Variants in RCOR1 observed in about 807,000 individuals in gnomAD.
RCOR1 encodes the protein REST corepressor.
RCOR1 carries 12 observed loss-of-function variants against 64.0 expected under a neutral mutation model. The ratio of observed to expected loss-of-function variants is 0.19; its 90% confidence interval spans 0.12 to 0.30. RCOR1 has a LOEUF of 0.30. Ranked by LOEUF, RCOR1 falls within the 10% of genes least tolerant of loss-of-function variation. The pLI is 1.00. For synonymous variants in RCOR1, 279 were observed against 227.2 expected (o/e 1.23, Z -2.05); for missense variants, 502 against 621.2 (o/e 0.81, Z 2.04).
chr14:102,601,241 G>C (rs1893389753), intron 2 of RCOR1, among the ~76,000 whole-genome samples: 1 of 150,678 alleles, frequency 6.6e-6, no homozygotes, highest in African/African-American at 2.4e-5. Context: ...TCGAACTCTT[G>C]ACCTCAGGTG....
At chr14:102,724,665 TGTA>T (rs1405723396) in intron 11 of RCOR1, among the ~76,000 whole-genome samples, 1 of 152,164 alleles carries the variant, frequency 6.6e-6, no homozygotes, top group Admixed American at 6.5e-5. Context: ...TTCTGCTTCT[TGTA>T]GTGCCACCCC....
intron 3 of RCOR1, among the ~76,000 whole-genome samples, chr14:102,700,008 A>T (rs1464702544): frequency 2.0e-5 from 3 of 152,182 alleles, no homozygotes; most frequent in African/African-American, 7.2e-5. Context: ...TTGGAGTAGT[A>T]CATATTTGAA....
In RCOR1 at chr14:102,607,713, A is replaced by G. The variant is rs1004045463; in HGVS notation, c.361+14388A>G. On this transcript the variant is annotated intron_variant, in intron 2 of 11. Transcript: ENST00000262241. ...CCTGGCCAACATGGTAAAACCCCAT[A>G]TCTACTAAAAGTATAAAAATTAGCC... Among the ~76,000 whole-genome samples the G allele has an allele frequency of 5.3e-5, 8 of 152,268 alleles. No individual in the cohort carries two copies. The East Asian group carries it at 7.7e-4, about 15-fold the overall frequency.
intron 2 of RCOR1, among the ~76,000 whole-genome samples, chr14:102,602,383 T>G (rs1893420364): frequency 7.9e-6 from 1 of 127,330 alleles, no homozygotes; most frequent in African/African-American, 2.8e-5. Flanking sequence ...TTTTTTCTTT[T>G]CTTTTCTTTT....
At position 102,593,074 on chromosome 14, in the gene RCOR1, C is replaced by T; in HGVS notation, c.188C>T (p.Ala63Val). 1 of 1,427,816 alleles carries T rather than the reference C, an allele frequency of 7.0e-7. No homozygotes were observed. Among genetic ancestry groups the T allele is most frequent in the Non-Finnish European group, 9.2e-7 (1 of 1,085,736 alleles). The allele number at this position is 1,427,816 out of a possible 1,614,324, so 88.4% of individuals were successfully genotyped here. ...SASAAAASAAAAPNNGQNKSL... is the reference protein window; with the variant it reads ...SASAAAASAAVAPNNGQNKSL... ...TCGGCCGCCGCCGCCTCAGCCGCCG[C>T]CGCCCCCAATAATGGCCAGAATAAA... The change falls in exon 1 of 12, where the codon GCC becomes GTC. Residue 63 changes from alanine (A) to valine (V), a missense_variant. Physicochemically the swap from Ala to Val is moderately conservative, Grantham distance 64 (BLOSUM62 0). Transcript: ENST00000262241.
chr14:102,697,015 A>G (rs1214256900), intron 3 of RCOR1, among the ~76,000 whole-genome samples: 1 of 152,086 alleles, frequency 6.6e-6, no homozygotes, highest in African/African-American at 2.4e-5. Flanking sequence ...GAATAGCATC[A>G]GGGATTCTGA....
At chr14:102,633,050 C>T (rs1894162185) in intron 2 of RCOR1, among the ~76,000 whole-genome samples, 1 of 151,382 alleles carries the variant, frequency 6.6e-6, no homozygotes, top group Non-Finnish European at 1.5e-5. Flanking sequence ...CACAAGCCAT[C>T]CTCCTGCCTC....
chr14:102,707,416 T>A lies in RCOR1; in HGVS notation c.564T>A (p.Phe188Leu). 1 of 1,613,796 alleles carries A rather than the reference T, an allele frequency of 6.2e-7. No individual in the cohort carries two copies. The highest frequency in any genetic ancestry group is 8.5e-7 in the Non-Finnish European group (1 of 1,179,834). ...AGTCATTGGCTGATTTGCCCAACTT[T>A]ACCCCTTTCCCAGATGAGTGGACTG... Reference protein sequence around the residue: ...IEKSLADLPNFTPFPDEWTVE... With the variant: ...IEKSLADLPNLTPFPDEWTVE... The change falls in exon 5 of 12, where the codon TTT becomes TTA. Residue 188 changes from phenylalanine to leucine, a missense_variant. Phe to Leu is a conservative substitution (Grantham distance 22, BLOSUM62 0). Around this residue, in one of 2 missense-constraint regions of RCOR1, gnomAD observed 260 missense variants for 416.4 expected, o/e 0.62. Coordinates refer to ENST00000262241, the MANE Select transcript of RCOR1 (RefSeq NM_015156.4).
chr14:102,707,950 C>A (rs1486966748), intron 5 of RCOR1, among the ~76,000 whole-genome samples: 1 of 148,340 alleles, frequency 6.7e-6, no homozygotes, highest in African/African-American at 2.5e-5. Context: ...CCACCACGGC[C>A]GGCTAATTTT....
In RCOR1 at chr14:102,641,315, TG is replaced by T. The variant is rs1894363607; in HGVS notation, c.362-40579del. Among the ~76,000 whole-genome samples, 3 of 151,722 alleles carry T rather than the reference TG, an allele frequency of 2.0e-5. No individual in the cohort carries two copies. The South Asian group carries it at 6.2e-4, about 31-fold the overall frequency. On this transcript the variant is annotated intron_variant, in intron 2 of 11. Coordinates refer to ENST00000262241, the MANE Select transcript of RCOR1 (RefSeq NM_015156.4). ...GTTATTCAATAATAAATAATATTTA[TG>T]CAGCTGGGCACAGTGGTTCACACCT...
At chr14:102,697,987 C>G (rs1895680903) in intron 3 of RCOR1, among the ~76,000 whole-genome samples, 1 of 152,226 alleles carries the variant, frequency 6.6e-6, no homozygotes, top group Non-Finnish European at 1.5e-5. Flanking sequence ...TCCCAAAGTG[C>G]TGGGATTACT....
At chr14:102,653,920 C>CTTCTTTCT (rs553960381) in intron 2 of RCOR1, among the ~76,000 whole-genome samples, 990 of 98,882 alleles carry the variant, frequency 0.01, 19 homozygotes, top group East Asian at 0.021. Flanking sequence ...CAGGTATTTC[C>CTTCTTTCT]TTCTTTCTTT....
intron 2 of RCOR1, among the ~76,000 whole-genome samples, chr14:102,625,695 A>G (rs916989964): frequency 6.6e-6 from 1 of 152,106 alleles, no homozygotes; most frequent in Non-Finnish European, 1.5e-5. Context: ...CTTCAAACAG[A>G]TGTTAATATT....
Position 102,592,791 on chromosome 14 carries a change from G to A in RCOR1, c.-96G>A. On this transcript the variant is annotated 5_prime_UTR_variant, in exon 1 of 12. Transcript: ENST00000262241. Reference sequence around the variant, plus strand: ...CGTGGGCTCCCGCCGCGCCCGCCCGGCCCCGCGCCGGCCCCGCGCCCCCTC... The same window carrying A: ...CGTGGGCTCCCGCCGCGCCCGCCCGACCCCGCGCCGGCCCCGCGCCCCCTC... The A allele has an allele frequency of 5.9e-6, 7 of 1,185,972 alleles. No homozygotes were observed. Among genetic ancestry groups the A allele is most frequent in the Non-Finnish European group, 6.3e-6 (6 of 958,658 alleles). The allele number at this position is 1,185,972 out of a possible 1,614,324, so 73.5% of individuals were successfully genotyped here. A position where few individuals can be genotyped will look rare whatever the true frequency, so the allele number is the denominator to read the frequency against.
intron 2 of RCOR1, among the ~76,000 whole-genome samples, chr14:102,595,251 C>G (rs1893217912): frequency 6.6e-6 from 1 of 152,194 alleles, no homozygotes; most frequent in South Asian, 2.1e-4. Context: ...CCTGTAGTCC[C>G]AACACTTGGG....
chr14:102,610,673 C>T (rs1212496730), intron 2 of RCOR1, among the ~76,000 whole-genome samples: 2 of 152,122 alleles, frequency 1.3e-5, no homozygotes, highest in Non-Finnish European at 2.9e-5. Flanking sequence ...CACCATTCTC[C>T]TGCCTTAGCC....
chr14:102,683,516 T>TC (rs1447955146), intron 3 of RCOR1, among the ~76,000 whole-genome samples: 2 of 152,036 alleles, frequency 1.3e-5, no homozygotes, highest in African/African-American at 4.8e-5. Flanking sequence ...TGGGCGCAGG[T>TC]CCCCCCGATC....
chr14:102,729,624 A>G lies in RCOR1; in HGVS notation c.*3118A>G, dbSNP rs1197653405. 5.2e-6 allele frequency: 2 copies of G among 382,478 alleles called. No individual in the cohort carries two copies. The highest frequency in any genetic ancestry group is 9.3e-6 in the Non-Finnish European group (2 of 216,150). 23.7% of individuals were successfully genotyped at this position (382,478 alleles called of 1,614,324 possible). ...TGTAACAGCTTACTGGGGTGGACTC[A>G]TAAAACAGTGGCTTTCTGTTCATCT... On this transcript the variant is annotated 3_prime_UTR_variant, in exon 12 of 12. Coordinates refer to ENST00000262241, the MANE Select transcript of RCOR1 (RefSeq NM_015156.4).
chr14:102,599,125 T>C (rs1893330908), intron 2 of RCOR1, among the ~76,000 whole-genome samples: 2 of 151,610 alleles, frequency 1.3e-5, no homozygotes, highest in Admixed American at 1.3e-4. Flanking sequence ...AATGTTTTTC[T>C]TTCCTTTTTT....
Sources: allele counts gnomAD v4.1 joint callset (sites outside exome capture counted in the v4.1 genomes callset), GRCh38; gene constraint gnomAD v4.1.1; regional missense constraint gnomAD v4.1.1; transcripts MANE v1.5; gene names NCBI Gene and HGNC (gene_info 2026-07-23, HGNC 2026-07-21).